Variants in ASPHD2 observed in about 807,000 individuals in gnomAD.
The protein encoded by ASPHD2 is aspartate beta-hydroxylase domain containing 2.
In ASPHD2, 12 loss-of-function variants were observed where a neutral mutation model predicts 34.6. That is an observed-to-expected ratio of 0.35 (90% CI 0.22 to 0.56). The LOEUF (loss-of-function observed/expected upper bound fraction) is 0.56. ASPHD2 is among the 20% of genes least tolerant of loss of function. The pLI, the probability that ASPHD2 is intolerant of heterozygous loss-of-function variation, is 0.87. For missense variants in ASPHD2, 375 were observed against 505.0 expected, an observed-to-expected ratio of 0.74 and a Z score of 2.47; for synonymous variants, 224 against 212.2, an observed-to-expected ratio of 1.06 and a Z score of -0.48.
In ASPHD2 at chr22:26,429,900, C is replaced by A. The variant is rs1422523016; in HGVS notation, c.-225+414C>A. ...CTCCCCTGTCCCACGAATTATGAGG[C>A]GCCATAAACCTCCTTCCACAATCTT... On this transcript the variant is annotated intron_variant, in intron 1 of 3. Transcript: ENST00000215906. The surrounding 1 kb of genome is among the most constrained non-coding windows in gnomAD (Gnocchi z 4.5). Among the ~76,000 whole-genome samples, 1 of 152,118 alleles carries A rather than the reference C, an allele frequency of 6.6e-6. No homozygotes were observed. The highest frequency in any genetic ancestry group is 1.5e-5 in the Non-Finnish European group (1 of 68,014).
At chr22:26,432,316 T>C (rs549563439) in intron 1 of ASPHD2, among the ~76,000 whole-genome samples, 2 of 152,320 alleles carry the variant, frequency 1.3e-5, no homozygotes, top group East Asian at 3.9e-4. Flanking sequence ...TCAGGCCAAA[T>C]TTCAGTCCCT....
intron 1 of ASPHD2, among the ~76,000 whole-genome samples, chr22:26,430,965 C>T (rs2084752527): frequency 6.6e-6 from 1 of 152,184 alleles, no homozygotes; most frequent in African/African-American, 2.4e-5. Context: ...CTCCATCATC[C>T]ACCCTGTTTT....
intron 3 of ASPHD2, among the ~76,000 whole-genome samples, chr22:26,442,873 T>TA (rs1323494277): frequency 3.9e-5 from 6 of 152,126 alleles, no homozygotes; most frequent in African/African-American, 1.4e-4. Context: ...AATTCCCACT[T>TA]AAAGATCCCT....
chr22:26,441,246 G>A (rs951020756), intron 2 of ASPHD2, among the ~76,000 whole-genome samples: 3 of 152,090 alleles, frequency 2.0e-5, no homozygotes, highest in Middle Eastern at 3.4e-3. Flanking sequence ...GGAGGCCAAG[G>A]TGGGAGGATA....
intron 3 of ASPHD2, among the ~76,000 whole-genome samples, chr22:26,442,847 G>T (rs928111246): frequency 6.6e-6 from 1 of 152,128 alleles, no homozygotes; most frequent in East Asian, 1.9e-4. Context: ...ATACAGAATA[G>T]TTTCACTGCC....
At chr22:26,430,594 G>C (rs551696303) in intron 1 of ASPHD2, among the ~76,000 whole-genome samples, 2 of 152,344 alleles carry the variant, frequency 1.3e-5, no homozygotes, top group East Asian at 3.9e-4. Context: ...GGGTAGATGG[G>C]GAGTTGTCAC....
rs2084772822 is a variant in ASPHD2 at position 26,433,799 on chromosome 22, A to C, written c.184A>C (p.Ile62Leu). The C allele has an allele frequency of 3.7e-6, 6 of 1,613,860 alleles. No individual in the cohort carries two copies. Among genetic ancestry groups the C allele is most frequent in the Non-Finnish European group, 5.1e-6 (6 of 1,180,004 alleles). The change falls in exon 2 of 4, where the codon ATC (isoleucine) becomes CTC (leucine). Residue 62 changes from isoleucine (I) to leucine (L), a missense_variant. Ile to Leu is a conservative substitution (Grantham distance 5). Transcript: ENST00000215906. The surrounding 1 kb of genome is among the most constrained non-coding windows in gnomAD (Gnocchi z 5.1). ...SVRDCDTTAVITVACLLVLFV... is the reference protein window; with the variant it reads ...SVRDCDTTAVLTVACLLVLFV... ...GCGGGACTGCGACACCACCGCTGTC[A>C]TCACTGTGGCCTGCCTCCTGGTCCT...
At chr22:26,435,725 G>T (rs2084787537) in intron 2 of ASPHD2, among the ~76,000 whole-genome samples, 1 of 14,040 alleles carries the variant, frequency 7.1e-5, no homozygotes, top group Non-Finnish European at 1.7e-4. Context: ...GAAAAGAAAA[G>T]AAAAGAAAAG....
Position 26,433,705 on chromosome 22 carries a change from G to T in ASPHD2, c.90G>T (p.Glu30Asp). 1 of 1,613,996 alleles carries T rather than the reference G, an allele frequency of 6.2e-7. No individual in the cohort carries two copies. Among genetic ancestry groups the T allele is most frequent in the South Asian group, 1.1e-5 (1 of 91,082 alleles). The change falls in exon 2 of 4, where the codon GAG becomes GAT. Residue 30 changes from glutamate to aspartate, a missense_variant. Around this residue, in one of 3 missense-constraint regions of ASPHD2, gnomAD observed 223 missense variants for 257.8 expected, o/e 0.87. Transcript: ENST00000215906. This position sits in a 1 kb window ranked among gnomAD's most constrained non-coding sequence, Gnocchi z 5.1. Reference protein sequence around the residue: ...PSKDSPKMSLEWLVAWSWSLD... With the variant: ...PSKDSPKMSLDWLVAWSWSLD... ...AGGACTCCCCCAAGATGTCGCTCGA[G>T]TGGCTGGTGGCCTGGAGCTGGTCGC... is the stretch of plus-strand genomic sequence containing the variant.
intron 2 of ASPHD2, 136 bp downstream of exon 2, chr22:26,434,637 T>G (rs766396486): frequency 6.3e-6 from 6 of 959,542 alleles, no homozygotes; most frequent in Non-Finnish European, 9.1e-6. Context: ...ACTGATGAAT[T>G]GCATGTAAAC....
At chr22:26,434,530 C>G in intron 2 of ASPHD2, 29 bp downstream of exon 2, 1 of 1,535,846 alleles carries the variant, frequency 6.5e-7, no homozygotes, top group East Asian at 2.3e-5. Flanking sequence ...GGTCTCCCGG[C>G]ATGCACATTT....
Position 26,433,955 on chromosome 22 carries a change from G to A in ASPHD2, c.340G>A (p.Val114Met), listed in dbSNP as rs777470635. ...GYVYCQSPECVRCTHNEGLNQ... is the reference protein window; with the variant it reads ...GYVYCQSPECMRCTHNEGLNQ... ...CGTGTACTGCCAGTCCCCTGAGTGC[G>A]TGCGCTGCACCCACAACGAGGGCCT... The change falls in exon 2 of 4, where the codon GTG becomes ATG. Residue 114 changes from valine to methionine, a missense_variant. Physicochemically the swap from Val to Met is conservative, Grantham distance 21. Coordinates refer to ENST00000215906, the MANE Select transcript of ASPHD2 (RefSeq NM_020437.5). This position sits in a 1 kb window ranked among gnomAD's most constrained non-coding sequence, Gnocchi z 5.1. 1.1e-5 allele frequency: 18 copies of A among 1,613,436 alleles called. No individual in the cohort carries two copies. The highest frequency in any genetic ancestry group is 1.7e-5 in the Admixed American group (1 of 60,024).
Position 26,433,285 on chromosome 22 carries a change from T to C in ASPHD2, c.-224-107T>C, listed in dbSNP as rs2084768128. 3 of 352,428 alleles carry C rather than the reference T, an allele frequency of 8.5e-6. No individual in the cohort carries two copies. Among genetic ancestry groups the C allele is most frequent in the Admixed American group, 4.8e-5 (1 of 21,010 alleles). 21.8% of individuals were successfully genotyped at this position (352,428 alleles called of 1,614,324 possible). ...GGAGGGAATACACAAGATTGCAAAG[T>C]GTGACCCCCACCAACTAGGATCCTA... On this transcript the variant is annotated intron_variant, in intron 1 of 3. Coordinates refer to ENST00000215906, the MANE Select transcript of ASPHD2 (RefSeq NM_020437.5). This position sits in a 1 kb window ranked among gnomAD's most constrained non-coding sequence, Gnocchi z 5.1.
intron 2 of ASPHD2, among the ~76,000 whole-genome samples, chr22:26,438,063 G>T (rs1259739893): frequency 6.6e-6 from 1 of 152,158 alleles, no homozygotes; most frequent in African/African-American, 2.4e-5. Context: ...CAGCAGGCCA[G>T]GCCATTTTTC....
rs1425236715 is a variant in ASPHD2, at chr22:26,434,095, C to A, written c.480C>A (p.Pro160=). 4 of 1,613,034 alleles carry A rather than the reference C, an allele frequency of 2.5e-6. No individual in the cohort carries two copies. Among genetic ancestry groups the A allele is most frequent in the Middle Eastern group, 1.7e-4 (1 of 6,046 alleles). Residue 160 remains proline (P), a synonymous_variant, in exon 2 of 4, where the codon CCC becomes CCA. Coordinates refer to ENST00000215906, the MANE Select transcript of ASPHD2 (RefSeq NM_020437.5). ...AGGGCCGGTACCTCAACAGCCGGCC[C>A]TCCATCCAGAAGCCCGAGGTCTTCT... ...REQGRYLNSR[P]SIQKPEVFFL... is the part of the protein sequence containing the mutation.
At position 26,442,518 on chromosome 22, in the gene ASPHD2, G is replaced by A. The variant is rs1298048068; in HGVS notation, c.946G>A (p.Glu316Lys). ...GGGGGGAGAGCCCCAGTGCTGGGCA[G>A]AAGGGCGCTGCCTTCTCTTTGATGA... ...VVGGEPQCWA[E>K]GRCLLFDDSF... Residue 316 changes from glutamate (E) to lysine (K), a missense_variant, in exon 3 of 4, where the codon GAA becomes AAA. By Grantham distance (56) the Glu-to-Lys change is moderately conservative (BLOSUM62 1). Transcript: ENST00000215906. The A allele has an allele frequency of 3.1e-6, 5 of 1,611,854 alleles. No homozygotes were observed. Among genetic ancestry groups the A allele is most frequent in the Non-Finnish European group, 4.2e-6 (5 of 1,179,002 alleles).
At chr22:26,431,429 AAAAC>A (rs1185429077) in intron 1 of ASPHD2, among the ~76,000 whole-genome samples, 2 of 151,928 alleles carry the variant, frequency 1.3e-5, no homozygotes, top group Non-Finnish European at 2.9e-5. Context: ...AAAAAAAAAA[AAAAC>A]AAAAGAAAAC....
chr22:26,438,600 C>CATATATACATATATATATACACACAT (rs1363471798), intron 2 of ASPHD2, among the ~76,000 whole-genome samples: 1 of 69,560 alleles, frequency 1.4e-5, no homozygotes, highest in African/African-American at 4.2e-5. Flanking sequence ...TATATACACA[C>CATATATACATATATATATACACACAT]ATATATACAT....
intron 1 of ASPHD2, among the ~76,000 whole-genome samples, chr22:26,431,445 A>G (rs1467014811): frequency 6.6e-6 from 1 of 152,120 alleles, no homozygotes; most frequent in Non-Finnish European, 1.5e-5. Context: ...AAAGAAAACA[A>G]AAAACAACTT....
Sources: allele counts gnomAD v4.1 joint callset (sites outside exome capture counted in the v4.1 genomes callset), GRCh38; gene constraint gnomAD v4.1.1; regional missense constraint gnomAD v4.1.1; non-coding constraint Gnocchi (gnomAD v3.1); transcripts MANE v1.5; gene names NCBI Gene and HGNC (gene_info 2026-07-23, HGNC 2026-07-21).